Variants in GALC observed in about 807,000 individuals in gnomAD.
The protein encoded by GALC is galactocerebrosidase.
GALC carries 77 observed loss-of-function variants against 91.8 expected under a neutral mutation model. The ratio of observed to expected loss-of-function variants is 0.84; its 90% CI spans 0.70 to 1.01. The LOEUF (loss-of-function observed/expected upper bound fraction) is 1.01, where lower values mean the gene tolerates loss of function less well. Among genes scored for constraint, GALC ranks in the 50% least tolerant of loss-of-function variants. The pLI, the probability that GALC is intolerant of heterozygous loss-of-function variation, is 0.00. For missense variants in GALC, 882 were observed against 855.9 expected (o/e 1.03, Z -0.38); for synonymous variants, 357 against 306.7 (o/e 1.16, Z -1.71).
intron 1 of GALC, chr14:87,992,540 C>T: frequency 6.6e-7 from 1 of 1,525,306 alleles, no homozygotes; most frequent in African/African-American, 1.4e-5. Context: ...ACAGCCAAAG[C>T]ATCCCACTGG....
chr14:87,965,418 C>A, intron 9 of GALC, 87 bp downstream of exon 9: 1 of 1,393,946 alleles, frequency 7.2e-7, no homozygotes, highest in South Asian at 1.2e-5. Flanking sequence ...CGCATAGACA[C>A]ACAGTTTATA....
chr14:87,933,827 A>G lies in GALC; in HGVS notation c.*905T>C, dbSNP rs1424791728. ...AGATGATCCAATTCTGGGAGTTAGC[A>G]AATGTCTAAGTGCTCCCCTCCTTCC... is the stretch of plus-strand genomic sequence containing the variant. On this transcript the variant is annotated 3_prime_UTR_variant, in exon 17 of 17. Coordinates refer to ENST00000261304, the MANE Select transcript of GALC (RefSeq NM_000153.4). The G allele has an allele frequency of 4.9e-6, 3 of 610,930 alleles. No homozygotes were observed. The highest frequency in any genetic ancestry group is 8.4e-6 in the Non-Finnish European group (3 of 355,826). 37.8% of individuals were successfully genotyped at this position (610,930 alleles called of 1,614,324 possible). A position where few individuals can be genotyped will look rare whatever the true frequency, so the allele number is the denominator to read the frequency against.
Position 87,934,393 on chromosome 14 carries a change from C to A in GALC, c.*339G>T, listed in dbSNP as rs552845611. ...ATCAAGTTACTGCCATCTACAGGACCGCTTGCAAATAAGATGAAGAGAGCT... is the reference window on the plus strand; with the variant it reads ...ATCAAGTTACTGCCATCTACAGGACAGCTTGCAAATAAGATGAAGAGAGCT... On this transcript the variant is annotated 3_prime_UTR_variant, in exon 17 of 17. Coordinates refer to ENST00000261304, the MANE Select transcript of GALC (RefSeq NM_000153.4). 7.9e-7 allele frequency: 1 copy of A among 1,267,646 alleles called. No homozygotes were observed. The highest frequency in any genetic ancestry group is 1.5e-5 in the African/African-American group (1 of 65,914). 78.5% of individuals were successfully genotyped at this position (1,267,646 alleles called of 1,614,324 possible). A position where few individuals can be genotyped will look rare whatever the true frequency, so the allele number is the denominator to read the frequency against.
At chr14:87,977,536 C>T (rs1886553409) in intron 6 of GALC, among the ~76,000 whole-genome samples, 1 of 152,162 alleles carries the variant, frequency 6.6e-6, no homozygotes, top group African/African-American at 2.4e-5. Context: ...AAGGAGACAT[C>T]ATTTTACTCA....
At chr14:87,973,281 T>C (rs917415699) in intron 7 of GALC, among the ~76,000 whole-genome samples, 1 of 152,182 alleles carries the variant, frequency 6.6e-6, no homozygotes, top group Non-Finnish European at 1.5e-5. Flanking sequence ...ACACTTCTGA[T>C]ATCCAAGAAA....
chr14:87,993,486 C>T, upstream of GALC: 3 of 1,535,612 alleles, frequency 2.0e-6, no homozygotes, highest in East Asian at 2.4e-5. Flanking sequence ...CCTACCATGG[C>T]TCTTCCCCAG....
intron 10 of GALC, among the ~76,000 whole-genome samples, chr14:87,960,228 T>C (rs1313715997): frequency 6.9e-6 from 1 of 144,014 alleles, no homozygotes; most frequent in Non-Finnish European, 1.5e-5. Context: ...ATGCAGAGAG[T>C]AGAACAGTGG....
chr14:87,988,131 C>A lies in GALC; in HGVS notation c.328+13G>T. 6.2e-7 allele frequency: 1 copy of A among 1,609,384 alleles called. No individual in the cohort carries two copies. Reference sequence around the variant, plus strand: ...TGTTGATGGGAGAAATCCTATCTCCCAAATTCTCCTACCTGTTGTCTGCCC... The same window carrying A: ...TGTTGATGGGAGAAATCCTATCTCCAAAATTCTCCTACCTGTTGTCTGCCC... On this transcript the variant is annotated intron_variant, in intron 3 of 16. Transcript: ENST00000261304.
At position 87,976,421 on chromosome 14, in the gene GALC, C is replaced by A. The variant is rs1410694817; in HGVS notation, c.689G>T (p.Trp230Leu). 1.2e-6 allele frequency: 2 copies of A among 1,613,620 alleles called. No homozygotes were observed. Among genetic ancestry groups the A allele is most frequent in the Non-Finnish European group, 1.7e-6 (2 of 1,179,558 alleles). ...GAGCATGGATGCAGAGATGGACTCC[C>A]AGAGATTATCACTTGCTATGATTTT... The part of the protein sequence containing the change: ...RVKIIASDNL[W>L]ESISASMLLD... The change falls in exon 7 of 17, where the codon TGG becomes TTG. Residue 230 changes from tryptophan to leucine, a missense_variant. Transcript: ENST00000261304.
chr14:87,965,591 T>G lies in GALC; in HGVS notation c.947A>C (p.Gln316Pro), dbSNP rs1019954881. The G allele has an allele frequency of 6.2e-7, 1 of 1,613,510 alleles. No homozygotes were observed. The highest frequency in any genetic ancestry group is 8.5e-7 in the Non-Finnish European group (1 of 1,179,634). ...CAACCCGCATCTCCCATAAGGCAAC[T>G]GTTCATAGTAACTAGCCACTAAATT... is the stretch of plus-strand genomic sequence containing the variant. ...AWNLVASYYE[Q>P]LPYGRCGLMT... Residue 316 changes from glutamine (Q) to proline (P), a missense_variant, in exon 9 of 17, where the codon CAG becomes CCG. Gln to Pro is a moderately conservative substitution (Grantham distance 76). Coordinates refer to ENST00000261304, the MANE Select transcript of GALC (RefSeq NM_000153.4).
In GALC at chr14:87,965,626, T is replaced by C. The variant is rs1321913719; in HGVS notation, c.912A>G (p.Thr304=). Residue 304 remains threonine, a synonymous_variant, in exon 9 of 17, where the codon ACA becomes ACG. Coordinates refer to ENST00000261304, the MANE Select transcript of GALC (RefSeq NM_000153.4). ...QNYINGYMTS[T]IAWNLVASYY... ...AACTAGCCACTAAATTCCATGCGAT[T>C]GTGCTAAAAGATTTGATAAAAAAGA... 6.2e-7 allele frequency: 1 copy of C among 1,613,234 alleles called. No individual in the cohort carries two copies. The highest frequency in any genetic ancestry group is 8.5e-7 in the Non-Finnish European group (1 of 1,179,468).
At chr14:87,970,443 T>C (rs1485602648) in intron 7 of GALC, among the ~76,000 whole-genome samples, 2 of 152,112 alleles carry the variant, frequency 1.3e-5, no homozygotes, top group African/African-American at 2.4e-5. Context: ...ATAGGTGATA[T>C]ATCCTTCATT....
At chr14:87,968,984 T>C (rs1264935835) in intron 7 of GALC, among the ~76,000 whole-genome samples, 1 of 152,158 alleles carries the variant, frequency 6.6e-6, no homozygotes, top group Non-Finnish European at 1.5e-5. Context: ...CTCTCCCCAC[T>C]ACTCCTGTCC....
intron 6 of GALC, chr14:87,980,389 A>AG (rs947569077): frequency 1.8e-6 from 1 of 551,586 alleles, no homozygotes; most frequent in African/African-American, 2.1e-5. Flanking sequence ...CAAAAAAAAA[A>AG]AAAAAGCCAT....
chr14:87,972,847 C>G (rs1175140661), intron 7 of GALC, among the ~76,000 whole-genome samples: 5 of 151,740 alleles, frequency 3.3e-5, no homozygotes, highest in Non-Finnish European at 7.4e-5. Flanking sequence ...AAAAGAAAAC[C>G]AAAGTAATGG....
intron 8 of GALC, among the ~76,000 whole-genome samples, chr14:87,966,503 A>T (rs1595216177): frequency 1.7e-5 from 2 of 119,636 alleles, no homozygotes. Flanking sequence ...CATCCAGTAT[A>T]AAAAAAAGAG....
chr14:87,987,783 T>A (rs978753819), intron 3 of GALC: 1 of 173,182 alleles, frequency 5.8e-6, no homozygotes, highest in Non-Finnish European at 1.2e-5. Context: ...ATATTTTAAG[T>A]TAATAACACT....
At chr14:87,986,340 C>T (rs369686804) in intron 4 of GALC, 149 bp downstream of exon 4, 10 of 681,482 alleles carry the variant, frequency 1.5e-5, no homozygotes, top group Admixed American at 2.0e-5. Flanking sequence ...AGGATCACCC[C>T]TGGCACATGC....
rs1328516153 is a variant in GALC at position 87,945,567 on chromosome 14, T to C, written c.1656A>G (p.Ile552Met). 7 of 1,602,854 alleles carry C rather than the reference T, an allele frequency of 4.4e-6. No homozygotes were observed. Among genetic ancestry groups the C allele is most frequent in the Non-Finnish European group, 5.1e-6 (6 of 1,170,132 alleles). The change falls in exon 14 of 17, where the codon ATA becomes ATG. Residue 552 changes from isoleucine to methionine, a missense_variant. Ile to Met is a conservative substitution (Grantham distance 10, BLOSUM62 1). Coordinates refer to ENST00000261304, the MANE Select transcript of GALC (RefSeq NM_000153.4). Reference protein sequence around the residue: ...AADASNTISIIGDYNWTNLTI... With the variant: ...AADASNTISIMGDYNWTNLTI... Reference sequence around the variant, plus strand: ...ATCAATCTTACCAGTTGTAGTCTCCTATAATACTGATTGTGTTGGATGCAT... The same window carrying C: ...ATCAATCTTACCAGTTGTAGTCTCCCATAATACTGATTGTGTTGGATGCAT...
Sources: gnomAD v4.1 joint callset for allele counts (sites outside exome capture counted in the v4.1 genomes callset) on GRCh38, gnomAD v4.1.1 for gene constraint, MANE v1.5 for transcripts, NCBI Gene and HGNC (gene_info 2026-07-23, HGNC 2026-07-21) for gene names.